Variants in KDM5D observed in about 807,000 individuals in gnomAD.
KDM5D encodes lysine demethylase 5D.
A neutral mutation model predicts 31.9 loss-of-function variants in KDM5D; 25 were observed. That is an observed-to-expected ratio of 0.78 (90% CI 0.57 to 1.09). The LOEUF (loss-of-function observed/expected upper bound fraction) is 1.09, where lower values mean the gene tolerates loss of function less well. KDM5D is among the 50% of genes least tolerant of loss of function. The pLI, the probability that KDM5D is intolerant of heterozygous loss-of-function variation, is 0.00. For missense variants in KDM5D, 366 were observed against 341.6 expected, an observed-to-expected ratio of 1.07 and a Z score of -0.56; for synonymous variants, 146 against 122.3, an observed-to-expected ratio of 1.19 and a Z score of -1.28.
chrY:19,714,756 G>A (rs953203824), intron 18 of KDM5D, among the ~76,000 whole-genome samples: 11 of 33,305 alleles, frequency 3.3e-4, no homozygotes, highest in Admixed American at 1.1e-3. Flanking sequence ...GCCTAATGAC[G>A]CTTTTCTCCT....
intron 4 of KDM5D, 26 bp from the exon 5 acceptor site, chrY:19,741,514 T>C: frequency 3.0e-6 from 1 of 331,389 alleles, no homozygotes. Flanking sequence ...ACAATATGGA[T>C]GAACTGTGAA....
At chrY:19,710,499 T>A in intron 18 of KDM5D, 27 bp from the exon 19 acceptor site, 1 of 271,669 alleles carries the variant, frequency 3.7e-6, no homozygotes. Flanking sequence ...GAACACCTCG[T>A]AATGTCACAT....
intron 11 of KDM5D, among the ~76,000 whole-genome samples, chrY:19,724,637 T>C: frequency 1.2e-4 from 4 of 33,650 alleles, no homozygotes; most frequent in Non-Finnish European, 2.9e-4. Flanking sequence ...ACTGGAAGCA[T>C]TCCTTCTGAA....
rs1225615453 is a variant in KDM5D at position 19,743,257 on chromosome Y, G to A, written c.151-18C>T. On this transcript the variant is annotated intron_variant, in intron 2 of 26. Transcript: ENST00000317961. ...TGCCAATCCTAGAAGAAAGTGTAAG[G>A]ACCTGGTAACTATGGCACAGTAAAG... 2 of 325,269 alleles carry A rather than the reference G, an allele frequency of 6.1e-6. No homozygotes were observed. The allele number at this position is 325,269 out of a possible 400,897, so 81.1% of individuals were successfully genotyped here.
rs2124210772 is a variant in KDM5D at position 19,733,477 on chromosome Y, TACACAC to T, written c.934-741_934-736del. On this transcript the variant is annotated intron_variant, in intron 8 of 26. Transcript: ENST00000317961. ...TTTTAAATATATATACACACAAACA[TACACAC>T]ACAAATTATATGTGTATATATACAT... Among the ~76,000 whole-genome samples the T allele has an allele frequency of 9.5e-5, 3 of 31,631 alleles. No individual in the cohort carries two copies. The South Asian group carries it at 2.0e-3, about 22-fold the overall frequency. 84.9% of individuals were successfully genotyped at this position (31,631 alleles called of 37,273 possible).
intron 18 of KDM5D, among the ~76,000 whole-genome samples, chrY:19,714,591 A>C (rs2045321242): frequency 5.9e-5 from 2 of 33,738 alleles, no homozygotes; most frequent in Non-Finnish European, 7.3e-5. Flanking sequence ...AATACTCACC[A>C]GTGTTACAAC....
chrY:19,730,541 CTTAAT>C lies in KDM5D; in HGVS notation c.1371+1226_1371+1230del, dbSNP rs2045465039. 2.1e-4 allele frequency among the ~76,000 whole-genome samples: 7 copies of C among 33,701 alleles called. No homozygotes were observed. The South Asian group carries it at 4.5e-3, about 22-fold the overall frequency. The allele number at this position is 33,701 out of a possible 37,273, so 90.4% of individuals were successfully genotyped here. ...GCTATAGGTGATTGCCTTCCAATTA[CTTAAT>C]TTATAGTTTCAATCCCTCAGTAATT... On this transcript the variant is annotated intron_variant, in intron 11 of 26. Coordinates refer to ENST00000317961, the MANE Select transcript of KDM5D (RefSeq NM_004653.5).
chrY:19,722,717 A>G (rs2045402429), intron 11 of KDM5D, among the ~76,000 whole-genome samples: 1 of 32,874 alleles, frequency 3.0e-5, no homozygotes, highest in African/African-American at 1.2e-4. Flanking sequence ...AAAATGAGCA[A>G]AAGATAAAGA....
At chrY:19,717,508 G>GGA (rs2045357938) in intron 13 of KDM5D, among the ~76,000 whole-genome samples, 14 of 32,007 alleles carry the variant, frequency 4.4e-4, no homozygotes, top group Admixed American at 1.1e-3. Context: ...GGGGTGGGGA[G>GGA]GAGAGAGAGA....
chrY:19,713,565 T>C, intron 18 of KDM5D, among the ~76,000 whole-genome samples: 1 of 33,598 alleles, frequency 3.0e-5, no homozygotes, highest in Non-Finnish European at 7.4e-5. Flanking sequence ...TCAGTGATCA[T>C]TAGAGAAATG....
intron 13 of KDM5D, among the ~76,000 whole-genome samples, chrY:19,718,104 T>G: frequency 2.9e-5 from 1 of 34,228 alleles, no homozygotes. Flanking sequence ...CCCTTGAGCA[T>G]GGCTGGTAAG....
In KDM5D at chrY:19,709,578, C is replaced by T; in HGVS notation, c.2815G>A (p.Gly939Arg). Residue 939 changes from glycine (G) to arginine (R), a missense_variant, in exon 20 of 27, where the codon GGG (glycine) becomes AGG (arginine). Transcript: ENST00000317961. ...ATCTTGGCACCCATAACCAAAAGCC[C>T]CTGCATGATGACCAGAGAGCCCCTG... Reference protein sequence around the residue: ...AHRGSLVIMQGLLVMGAKIAS... With the variant: ...AHRGSLVIMQRLLVMGAKIAS... 1 of 398,797 alleles carries T rather than the reference C, an allele frequency of 2.5e-6. No individual in the cohort carries two copies. The highest frequency in any genetic ancestry group is 3.0e-5 in the South Asian group (1 of 33,699).
intron 8 of KDM5D, among the ~76,000 whole-genome samples, chrY:19,734,547 T>C: frequency 3.0e-5 from 1 of 33,844 alleles, no homozygotes; most frequent in Admixed American, 2.7e-4. Context: ...CTGTAAGGGT[T>C]AGAAAGTAGT....
At chrY:19,725,566 TA>T (rs2045425183) in intron 11 of KDM5D, among the ~76,000 whole-genome samples, 1 of 33,550 alleles carries the variant, frequency 3.0e-5, no homozygotes, top group Non-Finnish European at 7.4e-5. Context: ...TTTAAAGAAT[TA>T]AACATGAGAC....
At position 19,728,994 on chromosome Y, in the gene KDM5D, C is replaced by G. The variant is rs779653620; in HGVS notation, c.1371+2778G>C. 2.9e-4 allele frequency among the ~76,000 whole-genome samples: 9 copies of G among 31,475 alleles called. No homozygotes were observed. The South Asian group carries it at 6.7e-3, about 23-fold the overall frequency. 84.4% of individuals were successfully genotyped at this position (31,475 alleles called of 37,273 possible). A position where few individuals can be genotyped will look rare whatever the true frequency, so the allele number is the denominator to read the frequency against. On this transcript the variant is annotated intron_variant, in intron 11 of 26. Coordinates refer to ENST00000317961, the MANE Select transcript of KDM5D (RefSeq NM_004653.5). ...TGGGAGGCCCAGGTGGGTGGATCACCTGGGGTCAGGAGTTCGAGACCAGCC... is the reference window on the plus strand; with the variant it reads ...TGGGAGGCCCAGGTGGGTGGATCACGTGGGGTCAGGAGTTCGAGACCAGCC...
chrY:19,715,536 G>A, intron 17 of KDM5D, 37 bp from the exon 18 acceptor site: 1 of 395,467 alleles, frequency 2.5e-6, no homozygotes. Context: ...GGCAGTGTTA[G>A]CAGAAAAGGA....
In KDM5D at chrY:19,715,747, A is replaced by G. The variant is rs748849480; in HGVS notation, c.2214-8T>C. Reference sequence around the variant, plus strand: ...TCCAAGGTGTACCGATACCTAGAGGAAGAAAGCCGGGAAGGGTACACATCT... The same window carrying G: ...TCCAAGGTGTACCGATACCTAGAGGGAGAAAGCCGGGAAGGGTACACATCT... On this transcript the variant is annotated splice_polypyrimidine_tract_variant and splice_region_variant and intron_variant, in intron 16 of 26. Transcript: ENST00000317961. The G allele has an allele frequency of 7.5e-6, 3 of 398,210 alleles. No individual in the cohort carries two copies. The highest frequency in any genetic ancestry group is 1.1e-5 in the Non-Finnish European group (3 of 283,339).
In KDM5D at chrY:19,732,167, T is replaced by C; in HGVS notation, c.1093-2A>G. On this transcript the variant is annotated splice_acceptor_variant, in intron 9 of 26. Transcript: ENST00000317961. LOFTEE classifies it high-confidence loss of function. Reference sequence around the variant, plus strand: ...AGCTTCAGGAGGCTGTTTACACTCCTGAAATAAAATATATTTCAGCAAGAC... The same window carrying C: ...AGCTTCAGGAGGCTGTTTACACTCCCGAAATAAAATATATTTCAGCAAGAC... 1 of 391,130 alleles carries C rather than the reference T, an allele frequency of 2.6e-6. No individual in the cohort carries two copies. Among genetic ancestry groups the C allele is most frequent in the Non-Finnish European group, 3.6e-6 (1 of 278,290 alleles).
rs765168618 is a variant in KDM5D, at chrY:19,707,219, C to T, written c.3927G>A (p.Glu1309=). The change falls in exon 24 of 27, where the codon GAG becomes GAA. Residue 1309 remains glutamate, a synonymous_variant. Transcript: ENST00000317961. ...TGGCTGAAGTGTAGACTGAGGCCTC[C>T]TCTGGTCTGGGTTTGGCCTGTAGCT... The part of the protein sequence containing the change: ...RQQLQAKPRP[E]EASVYTSATA... 1 of 396,805 alleles carries T rather than the reference C, an allele frequency of 2.5e-6. No individual in the cohort carries two copies. Among genetic ancestry groups the T allele is most frequent in the Middle Eastern group, 5.9e-4 (1 of 1,696 alleles).
Sources: gnomAD v4.1 joint callset for allele counts (sites outside exome capture counted in the v4.1 genomes callset) on GRCh38, gnomAD v4.1.1 for gene constraint, MANE v1.5 for transcripts, NCBI Gene and HGNC (gene_info 2026-07-23, HGNC 2026-07-21) for gene names.